Variants in ABHD18 observed in about 807,000 individuals in gnomAD.
ABHD18 encodes the protein cardiolipin-specific deacylase, mitochondrial.
ABHD18 carries 55 observed loss-of-function variants against 65.9 expected under a neutral mutation model. The ratio of observed to expected loss-of-function variants is 0.84; its 90% CI spans 0.67 to 1.05. The LOEUF (loss-of-function observed/expected upper bound fraction) is 1.05. Ranked by LOEUF, ABHD18 falls within the 50% of genes least tolerant of loss-of-function variation. The probability of loss-of-function intolerance (pLI) is 0.00; values close to 1 mark genes in which losing one functional copy is unlikely to be tolerated. For missense variants in ABHD18, 533 were observed against 558.5 expected, an observed-to-expected ratio of 0.95 and a Z score of 0.46; for synonymous variants, 181 against 180.2, an observed-to-expected ratio of 1.00 and a Z score of -0.04.
intron 11 of ABHD18, among the ~76,000 whole-genome samples, chr4:128,029,749 C>T (rs540932501): frequency 8.0e-4 from 122 of 151,714 alleles, no homozygotes; most frequent in Non-Finnish European, 1.3e-3. Flanking sequence ...CATTTGAACC[C>T]GGGAGGTGGA....
At chr4:127,967,594 A>G (rs1333102204) in intron 1 of ABHD18, among the ~76,000 whole-genome samples, 1 of 152,116 alleles carries the variant, frequency 6.6e-6, no homozygotes, top group African/African-American at 2.4e-5. Context: ...GCCCTCTGAC[A>G]CTGCTCTTTT....
At chr4:127,998,482 G>A (rs192886342) in intron 4 of ABHD18, among the ~76,000 whole-genome samples, 2,192 of 149,884 alleles carry the variant, frequency 0.015, 61 homozygotes, top group African/African-American at 0.051. Flanking sequence ...CTCGTGATCC[G>A]CCTGCCTCGG....
chr4:128,002,595 AAAAAAG>A (rs1752857281), intron 4 of ABHD18, among the ~76,000 whole-genome samples: 2 of 151,258 alleles, frequency 1.3e-5, no homozygotes, highest in South Asian at 4.2e-4. Context: ...TCTGTCTCAA[AAAAAAG>A]AAAAAGAAAA....
intron 4 of ABHD18, among the ~76,000 whole-genome samples, chr4:128,005,506 A>C (rs991444784): frequency 1.7e-4 from 26 of 152,208 alleles, no homozygotes; most frequent in African/African-American, 6.0e-4. Flanking sequence ...TCTGTCACCT[A>C]GGGTGGAATA....
intron 1 of ABHD18, among the ~76,000 whole-genome samples, chr4:127,980,818 T>C (rs999817016): frequency 8.2e-4 from 93 of 114,054 alleles, no homozygotes; most frequent in African/African-American, 3.5e-3. Context: ...AGAGCAAGAC[T>C]GCATCTCAAA....
chr4:127,975,667 A>T (rs916437766), intron 1 of ABHD18, among the ~76,000 whole-genome samples: 1 of 152,220 alleles, frequency 6.6e-6, no homozygotes, highest in Non-Finnish European at 1.5e-5. Context: ...GAGGAAAACA[A>T]ATCATGGCTG....
chr4:128,013,379 G>A (rs752083021), intron 7 of ABHD18, among the ~76,000 whole-genome samples: 26 of 152,148 alleles, frequency 1.7e-4, no homozygotes. Context: ...TAGGACTTGT[G>A]TATGAATTGG....
chr4:128,028,957 AT>A, intron 11 of ABHD18, 104 bp downstream of exon 11: 9 of 983,042 alleles, frequency 9.2e-6, no homozygotes, highest in Admixed American at 3.5e-5. Context: ...TCAAGGGTAT[AT>A]TTTTTTGTTG....
intron 1 of ABHD18, among the ~76,000 whole-genome samples, chr4:127,969,276 A>G (rs1579093467): frequency 6.8e-6 from 1 of 147,696 alleles, no homozygotes; most frequent in African/African-American, 2.5e-5. Flanking sequence ...ATATCAGCTC[A>G]CTGCAACCTC....
intron 1 of ABHD18, among the ~76,000 whole-genome samples, chr4:127,977,813 AAC>A (rs1748244003): frequency 6.6e-6 from 1 of 152,214 alleles, no homozygotes; most frequent in Non-Finnish European, 1.5e-5. Flanking sequence ...CTAAGTAGAA[AAC>A]ACAAAGAAAA....
intron 4 of ABHD18, chr4:128,001,829 G>T (rs2149112423): frequency 7.1e-7 from 1 of 1,413,180 alleles, no homozygotes; most frequent in Non-Finnish European, 9.2e-7. Context: ...GTTAGATGTT[G>T]AGTTTTGTTT....
At chr4:127,978,638 A>C (rs1748417923) in intron 1 of ABHD18, among the ~76,000 whole-genome samples, 1 of 152,218 alleles carries the variant, frequency 6.6e-6, no homozygotes, top group African/African-American at 2.4e-5. Context: ...TTTAAATTGC[A>C]TACCAATTAT....
At chr4:127,988,358 G>A (rs1294042780) in intron 3 of ABHD18, among the ~76,000 whole-genome samples, 3 of 152,062 alleles carry the variant, frequency 2.0e-5, no homozygotes, top group East Asian at 1.9e-4. Context: ...AGCCTCCCAC[G>A]TAGCTGGGAC....
At chr4:127,992,193 C>T (rs977724521) in intron 4 of ABHD18, among the ~76,000 whole-genome samples, 8 of 152,014 alleles carry the variant, frequency 5.3e-5, no homozygotes, top group Non-Finnish European at 8.8e-5. Context: ...GGAATGAGGC[C>T]GGGCACGGTG....
chr4:127,978,671 T>G (rs1748424916), intron 1 of ABHD18, among the ~76,000 whole-genome samples: 1 of 152,184 alleles, frequency 6.6e-6, no homozygotes, highest in East Asian at 1.9e-4. Context: ...TTATCATTAC[T>G]TCCATTTTAC....
At chr4:127,984,236 A>T in intron 2 of ABHD18, 103 bp from the exon 3 acceptor site, 1 of 603,742 alleles carries the variant, frequency 1.7e-6, no homozygotes, top group South Asian at 2.9e-5. Context: ...TATGAACTGG[A>T]TTTGCTAATT....
intron 7 of ABHD18, 107 bp from the exon 8 acceptor site, chr4:128,017,255 TG>T: frequency 9.7e-7 from 1 of 1,027,280 alleles, no homozygotes; most frequent in Non-Finnish European, 1.4e-6. Context: ...CTTAACTATC[TG>T]GTCCTTTAGA....
Position 127,965,477 on chromosome 4 carries a change from C to T in ABHD18, c.-147C>T, listed in dbSNP as rs1579058122. 2 of 430,380 alleles carry T rather than the reference C, an allele frequency of 4.6e-6. No individual in the cohort carries two copies. The highest frequency in any genetic ancestry group is 4.0e-5 in the African/African-American group (2 of 49,992). The allele number at this position is 430,380 out of a possible 1,614,324, so 26.7% of individuals were successfully genotyped here. On this transcript the variant is annotated 5_prime_UTR_variant, in exon 1 of 13. Transcript: ENST00000645843. ...TCTCCTTCCGCTGTATCTAGCATTT[C>T]GGTTCCTGGAAAGGTTACCGGAGCT... is the stretch of plus-strand genomic sequence containing the variant.
rs201854787 is a variant in ABHD18, at chr4:128,030,810, TCA to T, written c.1343+141_1343+142del. The T allele has an allele frequency of 1.3e-3, 1,799 of 1,392,974 alleles. 29 individuals carry two copies. The African/African-American group carries it at 0.024, about 18-fold the overall frequency. The allele number at this position is 1,392,974 out of a possible 1,614,324, so 86.3% of individuals were successfully genotyped here. On this transcript the variant is annotated intron_variant, in intron 12 of 12. Transcript: ENST00000645843. ...ATTCCCTCCTCACCTCCCACAAATC[TCA>T]CAGAGTTACTTTTCCCTCTTTCCTA...
Sources: allele counts gnomAD v4.1 joint callset (sites outside exome capture counted in the v4.1 genomes callset), GRCh38; gene constraint gnomAD v4.1.1; transcripts MANE v1.5; gene names NCBI Gene and HGNC (gene_info 2026-07-23, HGNC 2026-07-21).